The following MCUR1 variants were observed in gnomAD, a reference collection of about 807,000 sequenced individuals.
MCUR1 encodes the protein MCU regulator 1.
In MCUR1, 37 loss-of-function variants were observed where a neutral mutation model predicts 42.0. The ratio of observed to expected loss-of-function variants is 0.88; its 90% CI spans 0.68 to 1.16. MCUR1 has a LOEUF of 1.16. MCUR1 is among the 50% of genes most tolerant of loss of function. The pLI is 0.00. For synonymous variants in MCUR1, 229 were observed against 196.2 expected (o/e 1.17, Z -1.40); for missense variants, 469 against 468.4 (o/e 1.00, Z -0.01).
In MCUR1 at chr6:13,788,805, G is replaced by A. The variant is rs1030922838; in HGVS notation, c.*2004C>T. On this transcript the variant is annotated 3_prime_UTR_variant, in exon 9 of 9. Coordinates refer to ENST00000379170, the MANE Select transcript of MCUR1 (RefSeq NM_001031713.4). ...AATTATAATATTTCACTTTGAAACT[G>A]CTATTGCTCATGCAAAAGTACTTGA... 1.3e-5 allele frequency: 2 copies of A among 152,178 alleles called. No individual in the cohort carries two copies. The highest frequency in any genetic ancestry group is 3.8e-4 in the East Asian group (2 of 5,208). The allele number at this position is 152,178 out of a possible 1,614,324, so 9.4% of individuals were successfully genotyped here.
At chr6:13,793,783 C>T (rs1461598220) in intron 7 of MCUR1, 111 bp downstream of exon 7, 2 of 904,262 alleles carry the variant, frequency 2.2e-6, no homozygotes. Flanking sequence ...TAAAAAATTC[C>T]CATGACAGTA....
rs940789167 is a variant in MCUR1, at chr6:13,787,094, G to C, written c.*3715C>G. ...AAATTCTTAGAAGATTGCATGTTAG[G>C]GTGGGGGAAGATAAATGCTTGCCAA... On this transcript the variant is annotated 3_prime_UTR_variant, in exon 9 of 9. Transcript: ENST00000379170. The C allele has an allele frequency of 6.6e-6, 1 of 152,086 alleles. No homozygotes were observed. The highest frequency in any genetic ancestry group is 2.4e-5 in the African/African-American group (1 of 41,404). The allele number at this position is 152,086 out of a possible 1,614,324, so 9.4% of individuals were successfully genotyped here. A position where few individuals can be genotyped will look rare whatever the true frequency, so the allele number is the denominator to read the frequency against.
chr6:13,791,449 G>A (rs1014293129), intron 8 of MCUR1, among the ~76,000 whole-genome samples: 3 of 151,932 alleles, frequency 2.0e-5, no homozygotes, highest in Admixed American at 6.6e-5. Context: ...GGTGGGGGGT[G>A]GTACATGAAT....
At chr6:13,809,860 C>T (rs999170132) in intron 1 of MCUR1, among the ~76,000 whole-genome samples, 3 of 151,648 alleles carry the variant, frequency 2.0e-5, no homozygotes, top group African/African-American at 4.8e-5. Flanking sequence ...GCTATGATTG[C>T]ACCACTGCAC....
chr6:13,791,490 G>A (rs1033366739), intron 8 of MCUR1, among the ~76,000 whole-genome samples: 4 of 152,126 alleles, frequency 2.6e-5, no homozygotes, highest in Admixed American at 6.6e-5. Flanking sequence ...CAAAAATCGC[G>A]AAAGTAAAAT....
chr6:13,799,844 T>G (rs1256752733), intron 5 of MCUR1, among the ~76,000 whole-genome samples: 1 of 147,940 alleles, frequency 6.8e-6, no homozygotes, highest in African/African-American at 2.5e-5. Context: ...TTTTTTTTTT[T>G]TTTTTTGAGA....
rs1759716356 is a variant in MCUR1, at chr6:13,790,876, A to T, written c.1025-12T>A. 6.2e-7 allele frequency: 1 copy of T among 1,600,494 alleles called. No individual in the cohort carries two copies. Among genetic ancestry groups the T allele is most frequent in the Admixed American group, 1.7e-5 (1 of 59,368 alleles). On this transcript the variant is annotated splice_polypyrimidine_tract_variant and intron_variant, in intron 8 of 8. Coordinates refer to ENST00000379170, the MANE Select transcript of MCUR1 (RefSeq NM_001031713.4). ...CGTAAATATAGACCCTGTAAGAAAA[A>T]AACAATTGAGAGTACTATTAGTTCT...
Position 13,814,508 on chromosome 6 carries a change from G to C in MCUR1, c.-79C>G. The C allele has an allele frequency of 7.5e-7, 1 of 1,333,758 alleles. No homozygotes were observed. The highest frequency in any genetic ancestry group is 9.6e-7 in the Non-Finnish European group (1 of 1,043,616). 82.6% of individuals were successfully genotyped at this position (1,333,758 alleles called of 1,614,324 possible). ...CGGCCACGCGCGGTCCAGGCCCAGA[G>C]TCCGACAGCGGGAGCGAGCGTGGGC... On this transcript the variant is annotated 5_prime_UTR_variant, in exon 1 of 9. Coordinates refer to ENST00000379170, the MANE Select transcript of MCUR1 (RefSeq NM_001031713.4).
intron 4 of MCUR1, 96 bp downstream of exon 4, chr6:13,801,192 G>T: frequency 1.2e-6 from 1 of 825,702 alleles, no homozygotes; most frequent in South Asian, 1.7e-5. Flanking sequence ...AAAATTCACT[G>T]AGATGTACAC....
chr6:13,813,840 G>A (rs949505753), intron 1 of MCUR1, among the ~76,000 whole-genome samples, 175 bp downstream of exon 1: 1 of 152,194 alleles, frequency 6.6e-6, no homozygotes, highest in Non-Finnish European at 1.5e-5. Flanking sequence ...CGCCACCGCG[G>A]CCGAGCAGGG....
intron 7 of MCUR1, 68 bp downstream of exon 7, chr6:13,793,826 A>C: frequency 7.3e-7 from 1 of 1,363,890 alleles, no homozygotes; most frequent in Non-Finnish European, 1.0e-6. Flanking sequence ...ATCATTACAA[A>C]CAACCATGCA....
At chr6:13,802,552 G>A (rs1219046202) in intron 2 of MCUR1, among the ~76,000 whole-genome samples, 2 of 152,110 alleles carry the variant, frequency 1.3e-5, no homozygotes, top group Non-Finnish European at 2.9e-5. Flanking sequence ...CCCAGGTACC[G>A]GTGGCTTTGC....
intron 6 of MCUR1, among the ~76,000 whole-genome samples, chr6:13,795,122 AG>A (rs1759826675): frequency 1.4e-5 from 2 of 146,130 alleles, no homozygotes; most frequent in African/African-American, 5.2e-5. Flanking sequence ...GCTTAGAAGT[AG>A]AAAAAAAAAA....
At chr6:13,804,571 G>A (rs911077456) in intron 2 of MCUR1, among the ~76,000 whole-genome samples, 1 of 151,280 alleles carries the variant, frequency 6.6e-6, no homozygotes, top group Admixed American at 6.6e-5. Context: ...TCAGGAGATC[G>A]AGACCATCCT....
intron 5 of MCUR1, 132 bp downstream of exon 5, chr6:13,800,209 G>T: frequency 1.6e-6 from 1 of 616,080 alleles, no homozygotes. Context: ...CTTCCAATGT[G>T]TACTTTTGAG....
intron 8 of MCUR1, 52 bp from the exon 9 acceptor site, chr6:13,790,916 G>T: frequency 1.5e-6 from 2 of 1,343,852 alleles, no homozygotes; most frequent in South Asian, 1.3e-5. Flanking sequence ...AGAGTTACTT[G>T]AGGGAACATC....
intron 6 of MCUR1, among the ~76,000 whole-genome samples, chr6:13,797,407 T>C (rs1005914189): frequency 1.3e-5 from 2 of 152,122 alleles, no homozygotes; most frequent in Admixed American, 6.6e-5. Context: ...CCGACACATA[T>C]CTTTATTAAA....
chr6:13,791,751 C>G, intron 8 of MCUR1, 127 bp downstream of exon 8: 1 of 632,656 alleles, frequency 1.6e-6, no homozygotes, highest in East Asian at 3.1e-5. Flanking sequence ...AAGATGCTTT[C>G]CAATTTCAGA....
intron 5 of MCUR1, among the ~76,000 whole-genome samples, chr6:13,799,903 C>T (rs899087585): frequency 6.8e-6 from 1 of 146,408 alleles, no homozygotes; most frequent in African/African-American, 2.5e-5. Context: ...GCAATCTCGG[C>T]TCACTGCAAC....
Sources: gnomAD v4.1 joint callset for allele counts (sites outside exome capture counted in the v4.1 genomes callset) on GRCh38, gnomAD v4.1.1 for gene constraint, MANE v1.5 for transcripts, NCBI Gene and HGNC (gene_info 2026-07-23, HGNC 2026-07-21) for gene names.